The following DYNC2I1 variants were observed in gnomAD, a reference collection of about 807,000 sequenced individuals.
DYNC2I1 encodes the protein dynein 2 intermediate chain 1, also known as cytoplasmic dynein 2 intermediate chain 1.
Under a neutral mutation model 133.4 loss-of-function variants are expected in DYNC2I1, and 89 were observed. That is an observed-to-expected ratio of 0.67 (90% CI 0.56 to 0.80). The LOEUF (loss-of-function observed/expected upper bound fraction) is 0.80. Among genes scored for constraint, DYNC2I1 ranks in the 30% least tolerant of loss-of-function variants. DYNC2I1 has a pLI of 0.00. For missense variants in DYNC2I1, 1,291 were observed against 1,314.5 expected (o/e 0.98, Z 0.28); for synonymous variants, 504 against 484.3 (o/e 1.04, Z -0.54).
chr7:158,878,437 C>T (rs4495368), intron 4 of DYNC2I1, among the ~76,000 whole-genome samples: 16,161 of 45,482 alleles, frequency 0.36, 3,875 homozygotes, highest in Middle Eastern at 0.57. Context: ...GAGTGCCGGG[C>T]GCCATGTGGG....
chr7:158,852,637 G>GCT (rs1317526599), upstream of DYNC2I1, among the ~76,000 whole-genome samples: 2 of 151,514 alleles, frequency 1.3e-5, no homozygotes, highest in African/African-American at 4.8e-5. Context: ...CAGTCAGGAG[G>GCT]CTGAGGCAGG....
intron 12 of DYNC2I1, among the ~76,000 whole-genome samples, chr7:158,912,698 T>C (rs1307405733): frequency 6.6e-6 from 1 of 152,208 alleles, no homozygotes. Flanking sequence ...AATATATATG[T>C]AGTTTTGCAA....
At chr7:158,930,987 G>A (rs1850165067) in intron 21 of DYNC2I1, among the ~76,000 whole-genome samples, 1 of 152,148 alleles carries the variant, frequency 6.6e-6, no homozygotes, top group Non-Finnish European at 1.5e-5. Context: ...TGTTATTAAT[G>A]AGTGAATGTA....
chr7:158,887,868 C>T (rs921008026), intron 7 of DYNC2I1, among the ~76,000 whole-genome samples: 2 of 152,168 alleles, frequency 1.3e-5, no homozygotes, highest in Admixed American at 1.3e-4. Flanking sequence ...GTACCCTGTG[C>T]TGAGCTTGTC....
chr7:158,892,999 C>A (rs1186901720), intron 8 of DYNC2I1, among the ~76,000 whole-genome samples: 3 of 151,944 alleles, frequency 2.0e-5, no homozygotes, highest in African/African-American at 7.3e-5. Context: ...CCCCTCGCCC[C>A]CACACATGAA....
chr7:158,846,658 CTT>C, the DYNC2I1 span, among the ~76,000 whole-genome samples: 1 of 152,138 alleles, frequency 6.6e-6, no homozygotes. Context: ...TTGAATTACT[CTT>C]AATGCAAGAA....
In DYNC2I1 at chr7:158,871,309, TC is replaced by T; in HGVS notation, c.239del (p.Pro80LeufsTer25). 1 of 1,568,138 alleles carries T rather than the reference TC, an allele frequency of 6.4e-7. No individual in the cohort carries two copies. Among genetic ancestry groups the T allele is most frequent in the Non-Finnish European group, 8.6e-7 (1 of 1,156,358 alleles). On this transcript the variant is annotated frameshift_variant, in exon 3 of 25. Coordinates refer to ENST00000407559, the MANE Select transcript of DYNC2I1 (RefSeq NM_018051.5). LOFTEE classifies it high-confidence loss of function. Reference sequence around the variant, plus strand: ...CCGAAGTCCACACCGCTAAGGAGAGTCCTCGTGGGGAGAGGGACAGAGACAG... The same window carrying T: ...CCGAAGTCCACACCGCTAAGGAGAGTCTCGTGGGGAGAGGGACAGAGACAG... ...VAEVHTAKES[P>X]RGERDRDRQR...
At chr7:158,936,924 A>G (rs908576836) in intron 23 of DYNC2I1, among the ~76,000 whole-genome samples, 1 of 152,236 alleles carries the variant, frequency 6.6e-6, no homozygotes, top group Non-Finnish European at 1.5e-5. Flanking sequence ...AATAAAAACC[A>G]AAACAAGCTG....
chr7:158,889,987 C>A (rs781446304), intron 7 of DYNC2I1, among the ~76,000 whole-genome samples: 13 of 125,252 alleles, frequency 1.0e-4, no homozygotes, highest in Non-Finnish European at 4.7e-5. Context: ...ACCTGGGCCA[C>A]GGAGTGAGAC....
chr7:158,853,007 C>G (rs1028028404), upstream of DYNC2I1, among the ~76,000 whole-genome samples: 1 of 152,186 alleles, frequency 6.6e-6, no homozygotes, highest in African/African-American at 2.4e-5. Flanking sequence ...TTGTCTGTGT[C>G]CATTCCCATT....
intron 7 of DYNC2I1, among the ~76,000 whole-genome samples, chr7:158,890,311 C>CT (rs201635917): frequency 0.018 from 2,777 of 151,348 alleles, 79 homozygotes; most frequent in African/African-American, 0.063. Flanking sequence ...ATTTTACATT[C>CT]TTTTTTTTTC....
At chr7:158,956,309 T>G (rs1181459904) in intron 4 of DYNC2I1, among the ~76,000 whole-genome samples, 1 of 152,184 alleles carries the variant, frequency 6.6e-6, no homozygotes, top group East Asian at 1.9e-4. Flanking sequence ...GACCCAGGCC[T>G]CCTCCCTTCG....
Position 158,917,642 on chromosome 7 carries a change from TCCGCCTCTCGCTAAACACCCC to T in DYNC2I1, c.1792-1096_1792-1076del, listed in dbSNP as rs1365354469. On this transcript the variant is annotated intron_variant, in intron 14 of 24. Coordinates refer to ENST00000407559, the MANE Select transcript of DYNC2I1 (RefSeq NM_018051.5). ...ACCTCCTGTCCTCCACACTCCACCC[TCCGCCTCTCGCTAAACACCCC>T]CTGCCCTCCACACTCCACCCTCCAC... 3.8e-4 allele frequency among the ~76,000 whole-genome samples: 51 copies of T among 133,868 alleles called. 5 individuals carry two copies. The highest frequency in any genetic ancestry group is 1.4e-3 in the African/African-American group (43 of 31,750). The allele number at this position is 133,868 out of a possible 152,430, so 87.8% of individuals were successfully genotyped here.
At chr7:158,852,130 GT>G (rs112300258), upstream of DYNC2I1, among the ~76,000 whole-genome samples, 2,994 of 146,994 alleles carry the variant, frequency 0.02, 67 homozygotes, top group African/African-American at 0.051. Flanking sequence ...TCTAAGGGCT[GT>G]TTTTTTTTTT....
At chr7:158,926,075 A>C in intron 17 of DYNC2I1, 112 bp from the exon 18 acceptor site, 1 of 782,848 alleles carries the variant, frequency 1.3e-6, no homozygotes, top group South Asian at 1.6e-5. Flanking sequence ...ATGTGTGGAG[A>C]GAGTTGGATC....
chr7:158,908,248 A>AG (rs1847040433), intron 11 of DYNC2I1, among the ~76,000 whole-genome samples: 1 of 152,088 alleles, frequency 6.6e-6, no homozygotes, highest in Non-Finnish European at 1.5e-5. Context: ...CCTGCTTCAT[A>AG]GTATACCCAA....
At chr7:158,915,552 G>T (rs1202290549) in intron 14 of DYNC2I1, among the ~76,000 whole-genome samples, 1 of 130,650 alleles carries the variant, frequency 7.7e-6, no homozygotes, top group African/African-American at 3.1e-5. Context: ...CGGTGGTTGA[G>T]ATTAAGGATG....
At chr7:158,879,550 C>A in intron 4 of DYNC2I1, 134 bp from the exon 5 acceptor site, 1 of 924,814 alleles carries the variant, frequency 1.1e-6, no homozygotes, top group Non-Finnish European at 1.6e-6. Flanking sequence ...ATGTTTACTA[C>A]AGACACGATT....
At chr7:158,908,358 G>T (rs1177149189) in intron 11 of DYNC2I1, among the ~76,000 whole-genome samples, 4 of 151,856 alleles carry the variant, frequency 2.6e-5, no homozygotes, top group East Asian at 3.9e-4. Context: ...AGAATAAAAA[G>T]AATAAAAATT....
Sources: allele counts gnomAD v4.1 joint callset (sites outside exome capture counted in the v4.1 genomes callset), GRCh38; gene constraint gnomAD v4.1.1; transcripts MANE v1.5; gene names NCBI Gene and HGNC (gene_info 2026-07-23, HGNC 2026-07-21).